The following ZNF726 variants were observed in gnomAD, a reference collection of about 807,000 sequenced individuals.
ZNF726 encodes the protein zinc finger protein 726.
In ZNF726, 15 loss-of-function variants were observed where a neutral mutation model predicts 11.6. The ratio of observed to expected loss-of-function variants is 1.29; its 90% CI spans 0.86 to 1.99. ZNF726 has a LOEUF of 1.99. Ranked by LOEUF, ZNF726 falls within the 30% of genes most tolerant of loss-of-function variation. ZNF726 has a pLI of 0.00. For synonymous variants in ZNF726, 295 were observed against 243.6 expected (o/e 1.21, Z -1.96); for missense variants, 890 against 725.6 (o/e 1.23, Z -2.60).
At position 23,933,649 on chromosome 19, in the gene ZNF726, T is replaced by A; in HGVS notation, c.1533T>A (p.Cys511Ter). 2.5e-6 allele frequency: 4 copies of A among 1,612,592 alleles called. No homozygotes were observed. Among genetic ancestry groups the A allele is most frequent in the Middle Eastern group, 1.7e-4 (1 of 6,058 alleles). ...ATACTGGAGAGAAACCCTACAAATG[T>A]GAAGAATGTGGCAAAGCATTTATAT... Reference protein sequence around the residue: ...IIHTGEKPYKCEECGKAFILS... With the variant: ...IIHTGEKPYK Residue 511 changes from cysteine to a stop codon, truncating the protein, a stop_gained, in exon 4 of 4, where the codon TGT becomes TGA. Coordinates refer to ENST00000594466, the MANE Select transcript of ZNF726 (RefSeq NM_001244038.2). LOFTEE classifies it low-confidence loss of function (END_TRUNC).
At position 23,932,766 on chromosome 19, in the gene ZNF726, C is replaced by T. The variant is rs753056549; in HGVS notation, c.650C>T (p.Thr217Ile). 3 of 1,612,856 alleles carry T rather than the reference C, an allele frequency of 1.9e-6. No homozygotes were observed. The highest frequency in any genetic ancestry group is 2.5e-6 in the Non-Finnish European group (3 of 1,179,668). The change falls in exon 4 of 4, where the codon ACT (threonine) becomes ATT (isoleucine). Residue 217 changes from threonine (T) to isoleucine (I), a missense_variant. By Grantham distance (89) the Thr-to-Ile change is moderately conservative. Coordinates refer to ENST00000594466, the MANE Select transcript of ZNF726 (RefSeq NM_001244038.2). ...ACCTTTAATTGGTCCTCAACCCTTA[C>T]TAATCATAAGAAAACTCATACTGAA... ...GKTFNWSSTL[T>I]NHKKTHTEEK...
downstream of ZNF726, among the ~76,000 whole-genome samples, chr19:23,939,442 C>G (rs1387292744): frequency 6.6e-6 from 1 of 152,088 alleles, no homozygotes; most frequent in Non-Finnish European, 1.5e-5. Flanking sequence ...GTTCAAGTTT[C>G]TTTTTCAAAT....
At chr19:23,941,647 C>T (rs1048041144) in intron 3 of ZNF726, among the ~76,000 whole-genome samples, 9 of 151,998 alleles carry the variant, frequency 5.9e-5, no homozygotes, top group Non-Finnish European at 1.0e-4. Context: ...TTTAATTTCA[C>T]TCTTTTTTAT....
chr19:23,932,702 A>C lies in ZNF726; in HGVS notation c.586A>C (p.Thr196Pro), dbSNP rs1283292692. 2 of 1,604,048 alleles carry C rather than the reference A, an allele frequency of 1.2e-6. No individual in the cohort carries two copies. The highest frequency in any genetic ancestry group is 1.7e-6 in the Non-Finnish European group (2 of 1,177,218). Residue 196 changes from threonine to proline, a missense_variant, in exon 4 of 4, where the codon ACT (threonine) becomes CCT (proline). By Grantham distance (38) the Thr-to-Pro change is conservative. Coordinates refer to ENST00000594466, the MANE Select transcript of ZNF726 (RefSeq NM_001244038.2). Reference sequence around the variant, plus strand: ...CAAAACCCAGCATAAAAGCATATATACTACAGAGAAGTCCTACAAATGTAA... The same window carrying C: ...CAAAACCCAGCATAAAAGCATATATCCTACAGAGAAGTCCTACAAATGTAA... ...SHKTQHKSIY[T>P]TEKSYKCKEC...
At chr19:23,935,179 C>G (rs1219061570), downstream of ZNF726, 1 of 409,980 alleles carries the variant, frequency 2.4e-6, no homozygotes, top group African/African-American at 2.0e-5. Flanking sequence ...GGGGAGAGAC[C>G]CAGTGGGAGG....
At chr19:23,924,653 C>T (rs967798544) in intron 3 of ZNF726, among the ~76,000 whole-genome samples, 14 of 152,082 alleles carry the variant, frequency 9.2e-5, no homozygotes, top group Middle Eastern at 3.4e-3. Flanking sequence ...TTTGAGAGGC[C>T]GGGACAGGAG....
rs1412180985 is a variant in ZNF726 at position 23,933,143 on chromosome 19, T to C, written c.1027T>C (p.Cys343Arg). 3 of 1,600,634 alleles carry C rather than the reference T, an allele frequency of 1.9e-6. No individual in the cohort carries two copies. The highest frequency in any genetic ancestry group is 1.7e-5 in the Admixed American group (1 of 59,502). ...RLHSGEKPYK[C>R]EECAKAFSQF... ...GCACAGTGGAGAGAAACCCTACAAA[T>C]GTGAAGAATGTGCCAAAGCTTTTAG... is the stretch of plus-strand genomic sequence containing the variant. The change falls in exon 4 of 4, where the codon TGT becomes CGT. Residue 343 changes from cysteine to arginine, a missense_variant. Coordinates refer to ENST00000594466, the MANE Select transcript of ZNF726 (RefSeq NM_001244038.2).
At position 23,933,843 on chromosome 19, in the gene ZNF726, G is replaced by A. The variant is rs773908884; in HGVS notation, c.1727G>A (p.Arg576Gln). ...KCEECGKAFN[R>Q]SSNLSTHKII... ...GAAGAATGTGGAAAAGCGTTTAATC[G>A]ATCCTCAAATCTTAGTACGCATAAG... Residue 576 changes from arginine to glutamine, a missense_variant, in exon 4 of 4, where the codon CGA becomes CAA. Arg to Gln is a conservative substitution (Grantham distance 43, BLOSUM62 1). Transcript: ENST00000594466. 1.8e-5 allele frequency: 29 copies of A among 1,595,258 alleles called. No individual in the cohort carries two copies. Among genetic ancestry groups the A allele is most frequent in the Admixed American group, 3.5e-5 (2 of 57,004 alleles).
At chr19:23,926,039 G>A (rs1402976804) in intron 3 of ZNF726, among the ~76,000 whole-genome samples, 1 of 151,896 alleles carries the variant, frequency 6.6e-6, no homozygotes, top group African/African-American at 2.4e-5. Flanking sequence ...AAAGTTTATA[G>A]TTTTTGAATA....
rs201339383 is a variant in ZNF726, at chr19:23,933,360, A to G, written c.1244A>G (p.His415Arg). The G allele has an allele frequency of 1.2e-4, 188 of 1,613,092 alleles. 2 individuals are homozygous for G. The South Asian group carries it at 1.5e-3, about 13-fold the overall frequency. ...AFHRSSNLTK[H>R]KIIHTGEKPY... ...CATCGATCCTCAAATCTTACTAAAC[A>G]TAAGATAATTCATACTGGAGAGAAA... is the stretch of plus-strand genomic sequence containing the variant. The change falls in exon 4 of 4, where the codon CAT becomes CGT. Residue 415 changes from histidine (H) to arginine (R), a missense_variant. Physicochemically the swap from His to Arg is conservative, Grantham distance 29. Transcript: ENST00000594466.
chr19:23,927,261 C>G (rs1438742334), intron 3 of ZNF726, among the ~76,000 whole-genome samples: 1 of 152,076 alleles, frequency 6.6e-6, no homozygotes, highest in Non-Finnish European at 1.5e-5. Flanking sequence ...GTCACCTCAC[C>G]CGGCCATAAA....
chr19:23,928,316 T>TA (rs1968031457), intron 3 of ZNF726: 1 of 152,250 alleles, frequency 6.6e-6, no homozygotes. Context: ...AAATAATTGA[T>TA]ACAGTCTATA....
chr19:23,928,381 AC>A (rs1371279875), intron 3 of ZNF726: 2 of 152,188 alleles, frequency 1.3e-5, no homozygotes. Flanking sequence ...ATTTTCTATT[AC>A]GGAAAATGGG....
At chr19:23,923,494 C>T in intron 3 of ZNF726, 1 of 299,852 alleles carries the variant, frequency 3.3e-6, no homozygotes, top group Non-Finnish European at 6.3e-6. Context: ...TCACTGCAAC[C>T]TCCGCCTCCC....
In ZNF726 at chr19:23,922,394, C is replaced by A. The variant is rs143313511; in HGVS notation, c.226+2312C>A. Among the ~76,000 whole-genome samples the A allele has an allele frequency of 1.5e-4, 23 of 152,280 alleles. No homozygotes were observed. In the East Asian group the frequency reaches 4.3e-3, roughly 28 times the overall value. On this transcript the variant is annotated intron_variant, in intron 3 of 3. Transcript: ENST00000594466. The stretch of plus-strand genomic sequence containing the variant: ...CTGGAACTGAGTCATGGAACTGCTT[C>A]AGGGACCACAGGAAAGGCCAAGGTC...
intron 4 of ZNF726, chr19:23,944,680 TTAA>T (rs765860103): frequency 5.9e-5 from 12 of 202,002 alleles, no homozygotes; most frequent in Non-Finnish European, 9.7e-5. Context: ...TTGTCTATTT[TTAA>T]TAATAATATA....
chr19:23,936,541 TTAGG>T (rs1883948245), downstream of ZNF726, among the ~76,000 whole-genome samples: 1 of 152,092 alleles, frequency 6.6e-6, no homozygotes, highest in Non-Finnish European at 1.5e-5. Flanking sequence ...TTCTTTTTTA[TTAGG>T]TAGGCCTTTA....
At position 23,933,905 on chromosome 19, in the gene ZNF726, G is replaced by A. The variant is rs748299935; in HGVS notation, c.1789G>A (p.Glu597Lys). 17 of 1,588,336 alleles carry A rather than the reference G, an allele frequency of 1.1e-5. No homozygotes were observed. The African/African-American group carries it at 1.2e-4, about 11-fold the overall frequency. Residue 597 changes from glutamate (E) to lysine (K), a missense_variant, in exon 4 of 4, where the codon GAA (glutamate) becomes AAA (lysine). Glu to Lys is a moderately conservative substitution (Grantham distance 56, BLOSUM62 1). Transcript: ENST00000594466. Reference sequence around the variant, plus strand: ...TGGAGAGAAACCTTACAAGTGTGACGAATGTGGCAAATCATTTATCTGGTC... The same window carrying A: ...TGGAGAGAAACCTTACAAGTGTGACAAATGTGGCAAATCATTTATCTGGTC... ...HTGEKPYKCD[E>K]CGKSFIWSST...
intron 3 of ZNF726, among the ~76,000 whole-genome samples, chr19:23,931,139 T>C (rs1188843599): frequency 6.6e-6 from 1 of 152,132 alleles, no homozygotes; most frequent in Non-Finnish European, 1.5e-5. Flanking sequence ...CCCAGCTAAC[T>C]TTTTGTATTG....
Sources: gnomAD v4.1 joint callset for allele counts (sites outside exome capture counted in the v4.1 genomes callset) on GRCh38, gnomAD v4.1.1 for gene constraint, MANE v1.5 for transcripts, NCBI Gene and HGNC (gene_info 2026-07-23, HGNC 2026-07-21) for gene names.